The following ERC1 variants were observed in gnomAD, a reference collection of about 807,000 sequenced individuals.
The protein encoded by ERC1 is ELKS/RAB6-interacting/CAST family member 1.
A neutral mutation model predicts 132.0 loss-of-function variants in ERC1; 56 were observed. The ratio of observed to expected loss-of-function variants is 0.42; its 90% CI spans 0.34 to 0.53. The LOEUF (loss-of-function observed/expected upper bound fraction) is 0.53. ERC1 is among the 20% of genes least tolerant of loss of function. ERC1 has a pLI of 0.03. For synonymous variants in ERC1, 478 were observed against 476.1 expected, an observed-to-expected ratio of 1.00 and a Z score of -0.05; for missense variants, 1,202 against 1,349.9, an observed-to-expected ratio of 0.89 and a Z score of 1.72.
chr12:1,007,426 A>AGAGTTAAAAGCTTT (rs1166108646), intron 1 of ERC1, among the ~76,000 whole-genome samples: 1 of 152,126 alleles, frequency 6.6e-6, no homozygotes, highest in African/African-American at 2.4e-5. Flanking sequence ...AGACGCGTAC[A>AGAGTTAAAAGCTTT]GAGTTAAAAG....
At chr12:1,387,655 A>G (rs1165035048) in intron 16 of ERC1, among the ~76,000 whole-genome samples, 2 of 152,230 alleles carry the variant, frequency 1.3e-5, no homozygotes, top group Non-Finnish European at 2.9e-5. Context: ...CTATGAACCA[A>G]GAAATGTCCA....
At chr12:1,198,730 G>A (rs181150671) in intron 12 of ERC1, among the ~76,000 whole-genome samples, 1 of 152,330 alleles carries the variant, frequency 6.6e-6, no homozygotes, top group East Asian at 1.9e-4. Flanking sequence ...TACAGTCATA[G>A]CAGAAGGTGA....
At chr12:1,290,053 G>A in intron 15 of ERC1, 41 bp downstream of exon 15, 1 of 1,568,390 alleles carries the variant, frequency 6.4e-7, no homozygotes, top group Non-Finnish European at 8.8e-7. Context: ...TATGCTTAGT[G>A]GAAATACTTT....
chr12:1,336,960 C>T (rs2083369717), intron 15 of ERC1, among the ~76,000 whole-genome samples: 1 of 152,070 alleles, frequency 6.6e-6, no homozygotes, highest in South Asian at 2.1e-4. Flanking sequence ...AGCATGCTGG[C>T]TATTTTGTTC....
chr12:1,266,856 TTTC>T (rs2077516891), intron 14 of ERC1, among the ~76,000 whole-genome samples: 1 of 152,246 alleles, frequency 6.6e-6, no homozygotes, highest in Non-Finnish European at 1.5e-5. Flanking sequence ...AAGTTACCTG[TTTC>T]TCACTTAAAT....
intron 15 of ERC1, among the ~76,000 whole-genome samples, chr12:1,354,337 G>A (rs923647072): frequency 6.6e-6 from 1 of 151,934 alleles, no homozygotes; most frequent in African/African-American, 2.4e-5. Flanking sequence ...CAGCCTAGCC[G>A]ACACGGTGAA....
intron 12 of ERC1, among the ~76,000 whole-genome samples, chr12:1,221,252 A>G (rs1304129839): frequency 6.6e-6 from 1 of 152,212 alleles, no homozygotes; most frequent in East Asian, 1.9e-4. Flanking sequence ...AGTTATCTTG[A>G]GAACCAGCAT....
rs1966983637 is a variant in ERC1, at chr12:1,026,907, C to T, written c.-156-841C>T. Among the ~76,000 whole-genome samples, 3 of 152,192 alleles carry T rather than the reference C, an allele frequency of 2.0e-5. No individual in the cohort carries two copies. The South Asian group carries it at 6.2e-4, about 31-fold the overall frequency. On this transcript the variant is annotated intron_variant, in intron 1 of 18. Coordinates refer to ENST00000360905, the MANE Select transcript of ERC1 (RefSeq NM_178040.4). Reference sequence around the variant, plus strand: ...AGTTACTTGAAAAATCCTTCAACACCTGTGAAAGGAAGGGATCTATAGCTG... The same window carrying T: ...AGTTACTTGAAAAATCCTTCAACACTTGTGAAAGGAAGGGATCTATAGCTG...
chr12:1,302,808 AAAT>A (rs1173088347), intron 15 of ERC1, among the ~76,000 whole-genome samples: 1 of 151,974 alleles, frequency 6.6e-6, no homozygotes, highest in Admixed American at 6.6e-5. Context: ...CAAAAAAAGA[AAAT>A]AAATAGCGGG....
At chr12:1,259,381 C>T (rs1370368353) in intron 13 of ERC1, among the ~76,000 whole-genome samples, 1 of 152,056 alleles carries the variant, frequency 6.6e-6, no homozygotes, top group African/African-American at 2.4e-5. Flanking sequence ...TTCTTTCTGT[C>T]CTTCCAATAT....
At chr12:1,273,454 AT>A (rs2078022725) in intron 14 of ERC1, among the ~76,000 whole-genome samples, 1 of 152,170 alleles carries the variant, frequency 6.6e-6, no homozygotes, top group Non-Finnish European at 1.5e-5. Context: ...ATAAGTATAC[AT>A]TTTTCTTCAC....
chr12:1,050,921 C>G (rs1448867893), intron 2 of ERC1, among the ~76,000 whole-genome samples: 1 of 152,096 alleles, frequency 6.6e-6, no homozygotes, highest in African/African-American at 2.4e-5. Flanking sequence ...AGGAGAATCG[C>G]TTGAACCCGG....
At chr12:1,195,700 A>G (rs1350805762) in intron 12 of ERC1, among the ~76,000 whole-genome samples, 2 of 152,158 alleles carry the variant, frequency 1.3e-5, no homozygotes, top group Non-Finnish European at 2.9e-5. Flanking sequence ...GTGACAGTTA[A>G]CAAAACCTCA....
At chr12:1,309,714 CTTTT>C (rs201086756) in intron 15 of ERC1, among the ~76,000 whole-genome samples, 26 of 135,282 alleles carry the variant, frequency 1.9e-4, no homozygotes, top group Admixed American at 9.7e-4. Context: ...TGCACTCTGA[CTTTT>C]TTTTTTTTTT....
At chr12:1,138,563 G>A (rs1949577346) in intron 7 of ERC1, among the ~76,000 whole-genome samples, 1 of 151,734 alleles carries the variant, frequency 6.6e-6, no homozygotes, top group African/African-American at 2.4e-5. Context: ...TTATTAAAAT[G>A]GTGGCATAGG....
At chr12:1,224,430 G>A (rs922304150) in intron 12 of ERC1, among the ~76,000 whole-genome samples, 1 of 152,074 alleles carries the variant, frequency 6.6e-6, no homozygotes, top group Non-Finnish European at 1.5e-5. Context: ...AGAAATAATA[G>A]TGGTGAAACT....
intron 2 of ERC1, among the ~76,000 whole-genome samples, chr12:1,038,887 C>T (rs1450405831): frequency 6.6e-6 from 1 of 152,114 alleles, no homozygotes; most frequent in Non-Finnish European, 1.5e-5. Context: ...AGAAGGTGCA[C>T]ATCCATGAGA....
At chr12:1,345,198 T>TTTTTTTTTTTTTTTATAAG (rs1566640336) in intron 15 of ERC1, among the ~76,000 whole-genome samples, 1 of 150,506 alleles carries the variant, frequency 6.6e-6, no homozygotes, top group Non-Finnish European at 1.5e-5. Flanking sequence ...TTTTTTTTTT[T>TTTTTTTTTTTTTTTATAAG]GAGACGGAGT....
intron 11 of ERC1, among the ~76,000 whole-genome samples, chr12:1,185,453 G>T (rs956520213): frequency 8.4e-4 from 121 of 144,534 alleles, no homozygotes; most frequent in Middle Eastern, 3.5e-3. Context: ...TTTTTAAACC[G>T]TTAATTTTGT....
Sources: gnomAD v4.1 joint callset for allele counts (sites outside exome capture counted in the v4.1 genomes callset) on GRCh38, gnomAD v4.1.1 for gene constraint, MANE v1.5 for transcripts, NCBI Gene and HGNC (gene_info 2026-07-23, HGNC 2026-07-21) for gene names.